CYP39A1: variants seen among roughly 807,000 people sequenced by gnomAD.
CYP39A1 encodes the protein 24-hydroxycholesterol 7-alpha-hydroxylase.
In CYP39A1, 49 loss-of-function variants were observed where a neutral mutation model predicts 58.1. The observed-to-expected ratio is 0.84, with a 90% CI of 0.67 to 1.07. CYP39A1 has a LOEUF of 1.07. Among genes scored for constraint, CYP39A1 ranks in the 50% least tolerant of loss-of-function variants. The probability of loss-of-function intolerance (pLI) is 0.00; values close to 1 mark genes in which losing one functional copy is unlikely to be tolerated. For missense variants in CYP39A1, 531 were observed against 539.4 expected (o/e 0.98, Z 0.16); for synonymous variants, 209 against 187.6 (o/e 1.11, Z -0.93).
At chr6:46,647,501 C>T (rs1002729075) in intron 1 of CYP39A1, among the ~76,000 whole-genome samples, 3 of 152,070 alleles carry the variant, frequency 2.0e-5, no homozygotes, top group African/African-American at 7.2e-5. Flanking sequence ...TTTTTGGGGG[C>T]TGCTTGACAT....
At chr6:46,623,628 C>T (rs1371384144) in intron 7 of CYP39A1, among the ~76,000 whole-genome samples, 2 of 152,078 alleles carry the variant, frequency 1.3e-5, no homozygotes, top group African/African-American at 2.4e-5. Flanking sequence ...TTTGAGTTTT[C>T]TCTCTCTCTT....
chr6:46,650,484 CTTT>C (rs567314746), intron 1 of CYP39A1, among the ~76,000 whole-genome samples: 2,395 of 34,470 alleles, frequency 0.069, 5 homozygotes, highest in Non-Finnish European at 0.077. Context: ...CAGTCATATT[CTTT>C]TTTTTTTTTT....
chr6:46,564,238 C>G, intron 10 of CYP39A1, among the ~76,000 whole-genome samples: 1 of 150,954 alleles, frequency 6.6e-6, no homozygotes, highest in Non-Finnish European at 1.5e-5. Flanking sequence ...GTTGCCCAGG[C>G]TGAAGTGCAG....
intron 10 of CYP39A1, among the ~76,000 whole-genome samples, chr6:46,579,422 G>A (rs375952334): frequency 7.2e-5 from 11 of 152,036 alleles, no homozygotes; most frequent in African/African-American, 2.4e-4. Flanking sequence ...GGCAAAAATC[G>A]GAACCCTTCC....
At chr6:46,597,417 T>C (rs1156715099) in intron 7 of CYP39A1, among the ~76,000 whole-genome samples, 1 of 152,088 alleles carries the variant, frequency 6.6e-6, no homozygotes, top group Non-Finnish European at 1.5e-5. Context: ...CAGATAGGGT[T>C]CACAGCTAAG....
At chr6:46,577,366 C>T (rs944980321) in intron 10 of CYP39A1, among the ~76,000 whole-genome samples, 1 of 152,114 alleles carries the variant, frequency 6.6e-6, no homozygotes, top group African/African-American at 2.4e-5. Context: ...AGCAACTACA[C>T]AATCAAGTCT....
At chr6:46,610,880 C>T (rs1044354987) in intron 7 of CYP39A1, among the ~76,000 whole-genome samples, 12 of 152,046 alleles carry the variant, frequency 7.9e-5, no homozygotes, top group African/African-American at 2.9e-4. Context: ...ATAGGTCCTG[C>T]CCCAGTCTGA....
chr6:46,603,042 T>C (rs1773614825), intron 7 of CYP39A1, among the ~76,000 whole-genome samples: 1 of 152,300 alleles, frequency 6.6e-6, no homozygotes, highest in African/African-American at 2.4e-5. Flanking sequence ...ATATCATTTT[T>C]ACACCTACAA....
chr6:46,585,406 AAGT>A (rs1479319657), intron 10 of CYP39A1, among the ~76,000 whole-genome samples: 2 of 152,144 alleles, frequency 1.3e-5, no homozygotes, highest in African/African-American at 4.8e-5. Flanking sequence ...AACCTGAAAA[AAGT>A]AGCATCTATT....
chr6:46,622,340 T>TTA lies in CYP39A1; in HGVS notation c.931+3076_931+3077dup, dbSNP rs577803696. On this transcript the variant is annotated intron_variant, in intron 7 of 11. Transcript: ENST00000275016. ...TTTATGGTATGTTAATTATCTATGA[T>TTA]TATATATATATAATTTTATTTATAA... Among the ~76,000 whole-genome samples the TTA allele has an allele frequency of 2.6e-3, 389 of 151,870 alleles. 2 individuals are homozygous for TTA. The highest frequency in any genetic ancestry group is 0.018 in the East Asian group (95 of 5,192).
intron 1 of CYP39A1, among the ~76,000 whole-genome samples, chr6:46,642,555 T>G (rs976588783): frequency 2.0e-5 from 3 of 152,150 alleles, no homozygotes; most frequent in Non-Finnish European, 4.4e-5. Flanking sequence ...TACTATGAAA[T>G]AAGTAGAAAA....
chr6:46,601,474 C>T (rs1773498710), intron 7 of CYP39A1, among the ~76,000 whole-genome samples: 1 of 152,094 alleles, frequency 6.6e-6, no homozygotes, highest in Admixed American at 6.5e-5. Context: ...CCCTCTAGTC[C>T]CATCTCACAC....
At chr6:46,557,590 C>T (rs1770722567) in intron 10 of CYP39A1, among the ~76,000 whole-genome samples, 1 of 149,170 alleles carries the variant, frequency 6.7e-6, no homozygotes, top group South Asian at 2.1e-4. Context: ...TTGCACGGAG[C>T]CAAGATTGTG....
chr6:46,641,362 T>C (rs1184517557), intron 2 of CYP39A1, among the ~76,000 whole-genome samples: 3 of 152,070 alleles, frequency 2.0e-5, no homozygotes, highest in African/African-American at 7.2e-5. Context: ...AAAAAATATA[T>C]ATAATTCTAT....
chr6:46,637,389 G>T (rs892023994), intron 4 of CYP39A1, among the ~76,000 whole-genome samples: 1 of 152,182 alleles, frequency 6.6e-6, no homozygotes, highest in Non-Finnish European at 1.5e-5. Flanking sequence ...CAGTTACTTT[G>T]CATGTGCCTC....
At chr6:46,552,475 C>T (rs1770452604) in intron 11 of CYP39A1, among the ~76,000 whole-genome samples, 1 of 152,204 alleles carries the variant, frequency 6.6e-6, no homozygotes, top group Admixed American at 6.5e-5. Context: ...AAAATACTTT[C>T]TGTGTCACTT....
rs145454732 is a variant in CYP39A1, at chr6:46,623,698, C to T, written c.931+1720G>A. Among the ~76,000 whole-genome samples the T allele has an allele frequency of 2.6e-3, 389 of 152,138 alleles. 4 individuals carry two copies. Among genetic ancestry groups the T allele is most frequent in the African/African-American group, 8.7e-3 (363 of 41,518 alleles). ...ATTTCTCTGGAGAATCCTGACTAAT[C>T]GAATGTACTTAAATGTTCCTTCCTT... On this transcript the variant is annotated intron_variant, in intron 7 of 11. Transcript: ENST00000275016.
At chr6:46,634,508 T>C (rs1406810356) in intron 5 of CYP39A1, among the ~76,000 whole-genome samples, 1 of 119,288 alleles carries the variant, frequency 8.4e-6, no homozygotes, top group East Asian at 2.5e-4. Context: ...GGAATTTTAC[T>C]TTTTTTTTCT....
intron 5 of CYP39A1, among the ~76,000 whole-genome samples, chr6:46,635,150 TA>T: frequency 6.6e-6 from 1 of 152,318 alleles, no homozygotes; most frequent in Middle Eastern, 3.4e-3. Flanking sequence ...GCTATTTAAC[TA>T]AAAACAAACA....
Sources: gnomAD v4.1 joint callset for allele counts (sites outside exome capture counted in the v4.1 genomes callset) on GRCh38, gnomAD v4.1.1 for gene constraint, MANE v1.5 for transcripts, NCBI Gene and HGNC (gene_info 2026-07-23, HGNC 2026-07-21) for gene names.